NCOR2: variants seen among roughly 807,000 people sequenced by gnomAD.
The protein encoded by NCOR2 is CTG repeat protein 26.
NCOR2 carries 81 observed loss-of-function variants against 262.9 expected under a neutral mutation model. That is an observed-to-expected ratio of 0.31 (90% CI 0.26 to 0.37). The LOEUF is 0.37. NCOR2 is among the 10% of genes least tolerant of loss of function. The pLI is 1.00. For missense variants in NCOR2, 3,385 were observed against 3,621.4 expected, an observed-to-expected ratio of 0.93 and a Z score of 1.68; for synonymous variants, 1,659 against 1,559.3, an observed-to-expected ratio of 1.06 and a Z score of -1.51.
rs920147932 is a variant in NCOR2 at position 124,440,554 on chromosome 12, C to T, written c.816-2558G>A. On this transcript the variant is annotated intron_variant, in intron 7 of 46. Transcript: ENST00000405201. The surrounding 1 kb of genome is among the most constrained non-coding windows in gnomAD (Gnocchi z 5.7). ...TTTCCTCATCTGAAATCTATGGCAT[C>T]GCAGCCTCATCTTCTGTTATTCAAT... Among the ~76,000 whole-genome samples the T allele has an allele frequency of 7.2e-5, 11 of 152,240 alleles. No homozygotes were observed. Among genetic ancestry groups the T allele is most frequent in the African/African-American group, 2.7e-4 (11 of 41,468 alleles).
At chr12:124,506,920 G>T (rs1423112049) in intron 1 of NCOR2, among the ~76,000 whole-genome samples, 1 of 152,226 alleles carries the variant, frequency 6.6e-6, no homozygotes, top group Non-Finnish European at 1.5e-5. Flanking sequence ...CTGAGCTGGG[G>T]CTGAGCTCCT....
chr12:124,355,555 CA>C lies in NCOR2; in HGVS notation c.3257del (p.Leu1086ArgfsTer37). On this transcript the variant is annotated frameshift_variant, in exon 24 of 47. Transcript: ENST00000405201. LOFTEE classifies it high-confidence loss of function. ...CGGGCCGGGCAGTGTCATGGAGGCC[CA>C]GGGGCAGTGGGTGACCTGTGGAGCA... 1 of 1,580,670 alleles carries C rather than the reference CA, an allele frequency of 6.3e-7. No homozygotes were observed. The highest frequency in any genetic ancestry group is 8.6e-7 in the Non-Finnish European group (1 of 1,165,498).
In NCOR2 at chr12:124,483,306, C is replaced by T. The variant is rs1393492741; in HGVS notation, c.411+290G>A. Among the ~76,000 whole-genome samples, 3 of 152,180 alleles carry T rather than the reference C, an allele frequency of 2.0e-5. No individual in the cohort carries two copies. The South Asian group carries it at 6.2e-4, about 32-fold the overall frequency. On this transcript the variant is annotated intron_variant, in intron 3 of 46. Coordinates refer to ENST00000405201, the Ensembl canonical transcript of NCOR2. The surrounding 1 kb of genome is among the most constrained non-coding windows in gnomAD (Gnocchi z 6.3). ...CCCATCCCAGCTCTCCCCTCCCTCA[C>T]GCCAGCTACCCCGTGACCACAAGCC...
At chr12:124,475,897 G>A (rs1165258169) in intron 3 of NCOR2, among the ~76,000 whole-genome samples, 1 of 152,214 alleles carries the variant, frequency 6.6e-6, no homozygotes, top group East Asian at 1.9e-4. Flanking sequence ...TGGGGTCCCA[G>A]CCACACATCC....
Position 124,341,863 on chromosome 12 carries a change from G to A in NCOR2, c.5148C>T (p.Arg1716=), listed in dbSNP as rs199960469. Residue 1716 remains arginine (R), a synonymous_variant, in exon 34 of 47, where the codon CGC becomes CGT. Transcript: ENST00000405201. ...CGTAGTTGAGTGCCAGCGAGGACTC[G>A]CGGGGCGAGAGGCCCCTCAGCATAT... 474 of 1,610,624 alleles carry A rather than the reference G, an allele frequency of 2.9e-4. No homozygotes were observed. The highest frequency in any genetic ancestry group is 3.6e-4 in the Non-Finnish European group (427 of 1,179,802).
chr12:124,515,665 A>G (rs547214089), intron 1 of NCOR2, among the ~76,000 whole-genome samples: 105 of 151,290 alleles, frequency 6.9e-4, no homozygotes, highest in African/African-American at 2.5e-3. Flanking sequence ...GTGAGTGTGC[A>G]TGTGAGTGTG....
At chr12:124,372,528 G>C (rs928451878) in exon 20 of NCOR2, 28 of 1,595,816 alleles carry the variant, frequency 1.8e-5, no homozygotes, top group Non-Finnish European at 2.4e-5. Context: ...CTGGGGGCTT[G>C]GGCCCATTCT....
At chr12:124,463,435 C>T (rs1002655323) in intron 5 of NCOR2, among the ~76,000 whole-genome samples, 6 of 152,244 alleles carry the variant, frequency 3.9e-5, no homozygotes, top group African/African-American at 1.4e-4. Context: ...TGCAGCCACC[C>T]TGATGGCTGC....
At chr12:124,491,573 T>A (rs1381731057) in intron 1 of NCOR2, among the ~76,000 whole-genome samples, 1 of 152,222 alleles carries the variant, frequency 6.6e-6, no homozygotes, top group Non-Finnish European at 1.5e-5. Flanking sequence ...AGAGTCACGC[T>A]GGGATTCAGA....
At chr12:124,444,841 G>C (rs1207837154) in intron 7 of NCOR2, among the ~76,000 whole-genome samples, 1 of 152,156 alleles carries the variant, frequency 6.6e-6, no homozygotes, top group Non-Finnish European at 1.5e-5. Context: ...CAGGTAGGGA[G>C]GGGCAGGGCC....
At position 124,326,426 on chromosome 12, in the gene NCOR2, G is replaced by A. The variant is rs558590694; in HGVS notation, c.7184-56C>T. 25 of 1,400,548 alleles carry A rather than the reference G, an allele frequency of 1.8e-5. No individual in the cohort carries two copies. In the South Asian group the frequency reaches 2.9e-4, roughly 16 times the overall value. The allele number at this position is 1,400,548 out of a possible 1,614,324, so 86.8% of individuals were successfully genotyped here. ...GTTGGGCAGTGAAGACAGCACCGAC[G>A]CTACGGTGGGGCCACAGGGGCAGGG... On this transcript the variant is annotated intron_variant, in intron 45 of 46. Coordinates refer to ENST00000405201, the Ensembl canonical transcript of NCOR2.
intron 7 of NCOR2, among the ~76,000 whole-genome samples, chr12:124,447,811 C>G (rs111590000): frequency 0.024 from 3,712 of 152,034 alleles, 69 homozygotes; most frequent in Middle Eastern, 0.048. Context: ...ATTCTCCCTC[C>G]TTCGCCTCCT....
intron 3 of NCOR2, among the ~76,000 whole-genome samples, chr12:124,478,298 G>C (rs2047217636): frequency 6.6e-6 from 1 of 152,352 alleles, no homozygotes; most frequent in South Asian, 2.1e-4. Context: ...ATGTGAGCCA[G>C]AATTCATGTT....
In NCOR2 at chr12:124,374,428, C is replaced by A; in HGVS notation, c.2203G>T (p.Glu735Ter). 1 of 1,612,974 alleles carries A rather than the reference C, an allele frequency of 6.2e-7. No individual in the cohort carries two copies. Among genetic ancestry groups the A allele is most frequent in the Non-Finnish European group, 8.5e-7 (1 of 1,179,810 alleles). The change falls in exon 19 of 47, where the codon GAA becomes TAA. Residue 735 changes from glutamate (E) to a stop codon, truncating the protein, a stop_gained. Coordinates refer to ENST00000405201, the Ensembl canonical transcript of NCOR2. LOFTEE classifies it high-confidence loss of function. ...ACATTCGTACCTGGGCCACTGCATT[C>A]CCCTCTGGGCACCTCATTCCCAGAG...
At chr12:124,346,904 G>C (rs911821705) in intron 30 of NCOR2, 54 bp from the exon 33 acceptor site, 9 of 1,443,766 alleles carry the variant, frequency 6.2e-6, no homozygotes, top group Non-Finnish European at 8.2e-6. Flanking sequence ...GACCCATCAA[G>C]AGCCTCCACA....
intron 1 of NCOR2, among the ~76,000 whole-genome samples, chr12:124,489,850 G>A (rs1216865322): frequency 1.3e-5 from 2 of 152,186 alleles, no homozygotes; most frequent in Non-Finnish European, 2.9e-5. Context: ...GGGGATGTTT[G>A]AGCATGGACT....
intron 1 of NCOR2, among the ~76,000 whole-genome samples, chr12:124,516,866 G>A (rs1411317849): frequency 6.6e-6 from 1 of 152,150 alleles, no homozygotes; most frequent in Non-Finnish European, 1.5e-5. Context: ...TATCAACTGT[G>A]AGCCTATTAT....
chr12:124,380,560 GA>G (rs1171211299), intron 17 of NCOR2, among the ~76,000 whole-genome samples: 2 of 152,346 alleles, frequency 1.3e-5, no homozygotes, highest in South Asian at 4.1e-4. Flanking sequence ...GGCGGCCTGA[GA>G]AAGTGGTGGC....
chr12:124,460,001 G>A (rs144733166), intron 5 of NCOR2, among the ~76,000 whole-genome samples: 382 of 152,310 alleles, frequency 2.5e-3, no homozygotes, highest in African/African-American at 8.3e-3. Context: ...TCTTGCTCAT[G>A]TCTTGACTCA....
Sources: allele counts gnomAD v4.1 joint callset (sites outside exome capture counted in the v4.1 genomes callset), GRCh38; gene constraint gnomAD v4.1.1; non-coding constraint Gnocchi (gnomAD v3.1); transcripts MANE v1.5; gene names NCBI Gene and HGNC (gene_info 2026-07-23, HGNC 2026-07-21).